The following TESK2 variants were observed in gnomAD, a reference collection of about 807,000 sequenced individuals.
TESK2 encodes testis associated actin remodelling kinase 2.
TESK2 carries 39 observed loss-of-function variants against 57.1 expected under a neutral mutation model. The observed-to-expected ratio is 0.68, with a 90% confidence interval of 0.53 to 0.89. The LOEUF (loss-of-function observed/expected upper bound fraction) is 0.89, where lower values mean the gene tolerates loss of function less well. Among genes scored for constraint, TESK2 ranks in the 40% least tolerant of loss-of-function variants. TESK2 has a pLI of 0.00. For missense variants in TESK2, 646 were observed against 732.1 expected, an observed-to-expected ratio of 0.88 and a Z score of 1.36; for synonymous variants, 249 against 267.9, an observed-to-expected ratio of 0.93 and a Z score of 0.69.
At chr1:45,403,016 G>T (rs763011209) in intron 3 of TESK2, among the ~76,000 whole-genome samples, 14 of 151,768 alleles carry the variant, frequency 9.2e-5, no homozygotes, top group Non-Finnish European at 1.6e-4. Context: ...AGGTACAGCA[G>T]CTCACACCTG....
At chr1:45,394,821 G>C (rs1649294147) in intron 3 of TESK2, among the ~76,000 whole-genome samples, 1 of 150,508 alleles carries the variant, frequency 6.6e-6, no homozygotes, top group Non-Finnish European at 1.5e-5. Context: ...CTCCCGAGTA[G>C]CTGGGATTAG....
rs80081891 is a variant in TESK2, at chr1:45,423,359, C to T, written c.223-1513G>A. ...GATCACGAGGTCACAAAATCGAGAC[C>T]AGCCTGGCTAACATGGTGAAATCCC... is the stretch of plus-strand genomic sequence containing the variant. On this transcript the variant is annotated intron_variant, in intron 2 of 10. Transcript: ENST00000372086. 5.6e-4 allele frequency among the ~76,000 whole-genome samples: 85 copies of T among 152,120 alleles called. No individual in the cohort carries two copies. The East Asian group carries it at 0.013, about 24-fold the overall frequency.
chr1:45,352,296 T>C (rs1647252008), intron 5 of TESK2, among the ~76,000 whole-genome samples: 1 of 152,196 alleles, frequency 6.6e-6, no homozygotes, highest in Non-Finnish European at 1.5e-5. Context: ...CCCAGAAATA[T>C]AGGGAGTTAT....
At chr1:45,385,825 T>C (rs1648870873) in intron 4 of TESK2, 87 bp downstream of exon 4, 3 of 924,970 alleles carry the variant, frequency 3.2e-6, no homozygotes, top group African/African-American at 1.7e-5. Flanking sequence ...ATACATTTTG[T>C]TTACATATGC....
At chr1:45,427,118 C>T (rs1418465314) in intron 2 of TESK2, among the ~76,000 whole-genome samples, 3 of 151,420 alleles carry the variant, frequency 2.0e-5, no homozygotes, top group African/African-American at 7.3e-5. Flanking sequence ...TAGTGCACGT[C>T]TGTAATTCCA....
At chr1:45,416,168 T>C (rs1650232386) in intron 3 of TESK2, among the ~76,000 whole-genome samples, 1 of 144,448 alleles carries the variant, frequency 6.9e-6, no homozygotes, top group South Asian at 2.3e-4. Flanking sequence ...CTACAAGTTC[T>C]GCCTCCTAGG....
At chr1:45,346,172 A>C (rs375200099) in intron 9 of TESK2, among the ~76,000 whole-genome samples, 178 bp from the exon 10 acceptor site, 7 of 152,206 alleles carry the variant, frequency 4.6e-5, no homozygotes, top group African/African-American at 1.7e-4. Flanking sequence ...ACTACTGTCT[A>C]CTACCCTCCC....
At chr1:45,355,022 A>G (rs1410765272) in intron 5 of TESK2, among the ~76,000 whole-genome samples, 1 of 151,510 alleles carries the variant, frequency 6.6e-6, no homozygotes, top group Non-Finnish European at 1.5e-5. Flanking sequence ...TGCCTCTACT[A>G]AAAATTAGCT....
intron 1 of TESK2, among the ~76,000 whole-genome samples, chr1:45,480,678 T>C (rs937256802): frequency 3.3e-5 from 5 of 150,850 alleles, no homozygotes; most frequent in Admixed American, 6.6e-5. Context: ...ATAATAATAA[T>C]AATAAATGAA....
At chr1:45,416,616 G>A (rs1197400313) in intron 3 of TESK2, among the ~76,000 whole-genome samples, 1 of 151,968 alleles carries the variant, frequency 6.6e-6, no homozygotes, top group East Asian at 1.9e-4. Context: ...TCTATTTTCT[G>A]TTTTTGGAAA....
At chr1:45,465,035 G>T (rs975621566) in intron 1 of TESK2, among the ~76,000 whole-genome samples, 2 of 152,146 alleles carry the variant, frequency 1.3e-5, no homozygotes, top group Admixed American at 1.3e-4. Flanking sequence ...TCAGGAGTTC[G>T]AGACCGGCCT....
chr1:45,377,052 TC>T (rs1169002597), intron 4 of TESK2, among the ~76,000 whole-genome samples: 1 of 152,024 alleles, frequency 6.6e-6, no homozygotes, highest in Admixed American at 6.6e-5. Context: ...AGACTCCATC[TC>T]TACAAAAAAT....
At chr1:45,470,898 C>T (rs559149368) in intron 1 of TESK2, among the ~76,000 whole-genome samples, 12 of 152,228 alleles carry the variant, frequency 7.9e-5, no homozygotes, top group South Asian at 2.1e-4. Flanking sequence ...AATGTGTAAA[C>T]GAAGGCATTA....
In TESK2 at chr1:45,347,554, C is replaced by CA. The variant is rs201427240; in HGVS notation, c.708+54dup. ...CCTGAGCAACATAGTGAGACCATCT[C>CA]AAAAAAAAGAAAAAGAAAAAAGGAG... On this transcript the variant is annotated intron_variant, in intron 7 of 10. Coordinates refer to ENST00000372086, the MANE Select transcript of TESK2 (RefSeq NM_007170.3). The CA allele has an allele frequency of 2.6e-4, 398 of 1,533,868 alleles. 3 individuals are homozygous for CA. The African/African-American group carries it at 3.5e-3, about 13-fold the overall frequency.
chr1:45,445,520 C>T (rs1349074036), intron 2 of TESK2, among the ~76,000 whole-genome samples: 2 of 151,442 alleles, frequency 1.3e-5, no homozygotes, highest in Admixed American at 1.3e-4. Context: ...GGTGCAGTGG[C>T]TCACACTTGT....
chr1:45,377,285 G>A (rs920617345), intron 4 of TESK2, among the ~76,000 whole-genome samples: 1 of 151,910 alleles, frequency 6.6e-6, no homozygotes, highest in Non-Finnish European at 1.5e-5. Context: ...GCTTTGGAAT[G>A]AAGAGAAAGA....
intron 4 of TESK2, among the ~76,000 whole-genome samples, chr1:45,366,675 C>T (rs1030560770): frequency 6.6e-6 from 1 of 152,088 alleles, no homozygotes; most frequent in African/African-American, 2.4e-5. Context: ...GTTGAACAAA[C>T]AAATACATAA....
chr1:45,391,117 T>A (rs1021633292), intron 3 of TESK2, among the ~76,000 whole-genome samples: 1 of 151,638 alleles, frequency 6.6e-6, no homozygotes, highest in Non-Finnish European at 1.5e-5. Context: ...GGGGTTTCAC[T>A]GTGTTAGCCA....
At chr1:45,476,042 G>A (rs1024128719) in intron 1 of TESK2, among the ~76,000 whole-genome samples, 1 of 152,088 alleles carries the variant, frequency 6.6e-6, no homozygotes, top group Admixed American at 6.6e-5. Flanking sequence ...ACTTGCAGAC[G>A]GCCTATCGTG....
Sources: gnomAD v4.1 joint callset for allele counts (sites outside exome capture counted in the v4.1 genomes callset) on GRCh38, gnomAD v4.1.1 for gene constraint, MANE v1.5 for transcripts, NCBI Gene and HGNC (gene_info 2026-07-23, HGNC 2026-07-21) for gene names.